The following CLEC3A variants were observed in gnomAD, a reference collection of about 807,000 sequenced individuals.
The protein encoded by CLEC3A is C-type (calcium dependent, carbohydrate-recognition domain) lectin, superfamily member 1 (cartilage-derived).
CLEC3A carries 28 observed loss-of-function variants against 20.4 expected under a neutral mutation model. The ratio of observed to expected loss-of-function variants is 1.37; its 90% CI spans 1.02 to 1.88. The LOEUF (loss-of-function observed/expected upper bound fraction) is 1.88. CLEC3A is among the 40% of genes most tolerant of loss of function. The pLI is 0.00. For missense variants in CLEC3A, 357 were observed against 240.4 expected, an observed-to-expected ratio of 1.48 and a Z score of -3.21; for synonymous variants, 110 against 88.1, an observed-to-expected ratio of 1.25 and a Z score of -1.39.
Position 78,030,809 on chromosome 16 carries a change from A to T in CLEC3A, c.562A>T (p.Arg188Ter). The change falls in exon 3 of 3, where the codon AGA becomes TGA. Residue 188 changes from arginine to a stop codon, truncating the protein, a stop_gained. Transcript: ENST00000299642. LOFTEE classifies it high-confidence loss of function. ...WSDEACRSSK[R>*]YICEFTIPQ Reference sequence around the variant, plus strand: ...TGATGAGGCCTGTCGCAGCAGCAAGAGATACATATGCGAGTTCACCATCCC... The same window carrying T: ...TGATGAGGCCTGTCGCAGCAGCAAGTGATACATATGCGAGTTCACCATCCC... 6.2e-7 allele frequency: 1 copy of T among 1,613,904 alleles called. No individual in the cohort carries two copies. Among genetic ancestry groups the T allele is most frequent in the African/African-American group, 1.3e-5 (1 of 75,026 alleles).
At chr16:78,028,725 C>G (rs775439619) in intron 2 of CLEC3A, among the ~76,000 whole-genome samples, 4 of 152,236 alleles carry the variant, frequency 2.6e-5, no homozygotes, top group African/African-American at 9.6e-5. Context: ...CCCTGGTTTA[C>G]AAGGCTCATC....
chr16:78,030,719 C>T lies in CLEC3A; in HGVS notation c.472C>T (p.Gln158Ter). ...CTCCTTCCTCAACTGGGACCGTGCA[C>T]AGCCTAACGGTGGCAAGCGAGAAAA... is the stretch of plus-strand genomic sequence containing the variant. ...AISFLNWDRA[Q>*]PNGGKRENCV... is the part of the protein sequence containing the mutation. The change falls in exon 3 of 3, where the codon CAG becomes TAG. Residue 158 changes from glutamine to a stop codon, truncating the protein, a stop_gained. Coordinates refer to ENST00000299642, the MANE Select transcript of CLEC3A (RefSeq NM_005752.6). LOFTEE classifies it high-confidence loss of function. The T allele has an allele frequency of 1.2e-6, 2 of 1,614,158 alleles. No individual in the cohort carries two copies. Among genetic ancestry groups the T allele is most frequent in the Non-Finnish European group, 8.5e-7 (1 of 1,180,042 alleles).
chr16:78,028,028 C>A, intron 1 of CLEC3A, 79 bp from the exon 2 acceptor site: 1 of 991,980 alleles, frequency 1.0e-6, no homozygotes, highest in Admixed American at 2.1e-5. Context: ...GCCTTGGGTC[C>A]TACATTCCAA....
At position 78,030,826 on chromosome 16, in the gene CLEC3A, C is replaced by T. The variant is rs2030079210; in HGVS notation, c.579C>T (p.Phe193=). The T allele has an allele frequency of 3.7e-6, 6 of 1,612,276 alleles. No individual in the cohort carries two copies. Among genetic ancestry groups the T allele is most frequent in the Non-Finnish European group, 5.1e-6 (6 of 1,179,040 alleles). The change falls in exon 3 of 3, where the codon TTC becomes TTT. Residue 193 remains phenylalanine, a synonymous_variant. Transcript: ENST00000299642. Reference sequence around the variant, plus strand: ...GCAGCAAGAGATACATATGCGAGTTCACCATCCCTCAATAGGTCTTTCTCC... The same window carrying T: ...GCAGCAAGAGATACATATGCGAGTTTACCATCCCTCAATAGGTCTTTCTCC... ...CRSSKRYICE[F]TIPQ
chr16:78,030,948 A>G lies in CLEC3A; in HGVS notation c.*107A>G. The G allele has an allele frequency of 7.9e-7, 1 of 1,263,036 alleles. No homozygotes were observed. Among genetic ancestry groups the G allele is most frequent in the Non-Finnish European group, 1.1e-6 (1 of 927,810 alleles). 78.2% of individuals were successfully genotyped at this position (1,263,036 alleles called of 1,614,324 possible). On this transcript the variant is annotated 3_prime_UTR_variant, in exon 3 of 3. Coordinates refer to ENST00000299642, the MANE Select transcript of CLEC3A (RefSeq NM_005752.6). ...TTTTTACTTATTAAAAAATTGCAAC[A>G]CAAGATCAATGTCCATAGCAATATG...
In CLEC3A at chr16:78,032,000, T is replaced by C. The variant is rs1324444651; in HGVS notation, c.*1159T>C. 6.6e-6 allele frequency: 1 copy of C among 152,646 alleles called. No individual in the cohort carries two copies. Among genetic ancestry groups the C allele is most frequent in the Non-Finnish European group, 1.5e-5 (1 of 68,036 alleles). The allele number at this position is 152,646 out of a possible 1,614,324, so 9.5% of individuals were successfully genotyped here. On this transcript the variant is annotated 3_prime_UTR_variant, in exon 3 of 3. Transcript: ENST00000299642. ...ATAGTGTTTAAACATTGAATGTGTT[T>C]TGTGAACAATATCCCACTTTGCAAA...
intron 1 of CLEC3A, among the ~76,000 whole-genome samples, chr16:78,024,166 G>A (rs1370364020): frequency 7.2e-5 from 11 of 152,180 alleles, no homozygotes; most frequent in Non-Finnish European, 1.5e-4. Flanking sequence ...GCTGAAGATG[G>A]TATCGAAAGG....
intron 2 of CLEC3A, among the ~76,000 whole-genome samples, chr16:78,028,570 T>G (rs771934220): frequency 2.6e-5 from 4 of 152,208 alleles, no homozygotes; most frequent in Non-Finnish European, 5.9e-5. Context: ...CCTAAGATGC[T>G]GGAAGGACAT....
intron 1 of CLEC3A, among the ~76,000 whole-genome samples, chr16:78,025,283 T>C (rs1342073524): frequency 6.6e-6 from 1 of 152,262 alleles, no homozygotes; most frequent in Non-Finnish European, 1.5e-5. Flanking sequence ...ATTCCATTGT[T>C]TGGATGGGTC....
chr16:78,022,689 C>A lies in CLEC3A; in HGVS notation c.63C>A (p.Thr21=). ...LVITLLLDQT[T]SHTSRLKARK... ...TCACCTTACTCCTGGACCAGACCAC[C>A]AGCCACACATCCAGATTAAAAGCCA... The change falls in exon 1 of 3, where the codon ACC becomes ACA. Residue 21 remains threonine, a synonymous_variant. Transcript: ENST00000299642. 6.2e-7 allele frequency: 1 copy of A among 1,614,138 alleles called. No individual in the cohort carries two copies. The highest frequency in any genetic ancestry group is 8.5e-7 in the Non-Finnish European group (1 of 1,180,028).
chr16:78,030,439 C>A lies in CLEC3A; in HGVS notation c.200-8C>A. 10 of 1,586,622 alleles carry A rather than the reference C, an allele frequency of 6.3e-6. No homozygotes were observed. Among genetic ancestry groups the A allele is most frequent in the Non-Finnish European group, 8.6e-6 (10 of 1,165,366 alleles). On this transcript the variant is annotated splice_polypyrimidine_tract_variant and splice_region_variant and intron_variant, in intron 2 of 2. Coordinates refer to ENST00000299642, the MANE Select transcript of CLEC3A (RefSeq NM_005752.6). ...CATCTTAATATGTTACACTTCACAT[C>A]TTCACAGTCTGTCTCCGAGGCACTA...
rs774634510 is a variant in CLEC3A, at chr16:78,022,766, A to C, written c.115+25A>C. ...GGTAATGGGGCTTCTCAATCAAGCA[A>C]AATTCTAGGCTTAGACAGTGTGGGG... On this transcript the variant is annotated intron_variant, in intron 1 of 2. Transcript: ENST00000299642. The C allele has an allele frequency of 3.7e-6, 6 of 1,613,294 alleles. No homozygotes were observed. The East Asian group carries it at 1.3e-4, about 36-fold the overall frequency.
At chr16:78,027,258 T>C (rs966569755) in intron 1 of CLEC3A, among the ~76,000 whole-genome samples, 1 of 152,032 alleles carries the variant, frequency 6.6e-6, no homozygotes, top group African/African-American at 2.4e-5. Context: ...CTCTATAAAA[T>C]ATGGAATAAA....
intron 2 of CLEC3A, among the ~76,000 whole-genome samples, chr16:78,030,094 A>G (rs2030045554): frequency 1.4e-5 from 2 of 142,668 alleles, no homozygotes; most frequent in Admixed American, 7.7e-5. Context: ...CGGAGCTTGC[A>G]GTGAGCCGAG....
At chr16:78,022,893 C>G in intron 1 of CLEC3A, 152 bp downstream of exon 1, 1 of 721,682 alleles carries the variant, frequency 1.4e-6, no homozygotes, top group East Asian at 3.0e-5. Context: ...ATTAAGTGAA[C>G]TTGTAATGCT....
At chr16:78,025,729 G>T (rs183683638) in intron 1 of CLEC3A, among the ~76,000 whole-genome samples, 5 of 152,154 alleles carry the variant, frequency 3.3e-5, no homozygotes, top group Admixed American at 3.3e-4. Flanking sequence ...AATAAAATAT[G>T]ACTTTTCCAG....
intron 1 of CLEC3A, among the ~76,000 whole-genome samples, chr16:78,025,202 T>G (rs115695917): frequency 0.02 from 3,103 of 152,330 alleles, 36 homozygotes; most frequent in Middle Eastern, 0.034. Context: ...CAAATAAATT[T>G]ATTTCATCTA....
At chr16:78,023,399 C>G (rs143362505) in intron 1 of CLEC3A, among the ~76,000 whole-genome samples, 1 of 151,946 alleles carries the variant, frequency 6.6e-6, no homozygotes, top group Non-Finnish European at 1.5e-5. Context: ...TCCCAGGAAC[C>G]TCAAATTTTG....
At chr16:78,024,945 G>C (rs561362816) in intron 1 of CLEC3A, among the ~76,000 whole-genome samples, 5 of 152,216 alleles carry the variant, frequency 3.3e-5, no homozygotes, top group Admixed American at 6.5e-5. Context: ...TAGTACCTCA[G>C]CCTCTCAAGT....
Sources: gnomAD v4.1 joint callset for allele counts (sites outside exome capture counted in the v4.1 genomes callset) on GRCh38, gnomAD v4.1.1 for gene constraint, MANE v1.5 for transcripts, NCBI Gene and HGNC (gene_info 2026-07-23, HGNC 2026-07-21) for gene names.